TMEFF2: variants seen among roughly 807,000 people sequenced by gnomAD.
TMEFF2 encodes tomoregulin-2.
TMEFF2 carries 28 observed loss-of-function variants against 53.8 expected under a neutral mutation model. The ratio of observed to expected loss-of-function variants is 0.52; its 90% confidence interval spans 0.39 to 0.71. TMEFF2 has a LOEUF of 0.71. TMEFF2 is among the 30% of genes least tolerant of loss of function. The probability of loss-of-function intolerance (pLI) is 0.00; values close to 1 mark genes in which losing one functional copy is unlikely to be tolerated. For synonymous variants in TMEFF2, 162 were observed against 166.3 expected (o/e 0.97, Z 0.20); for missense variants, 353 against 455.2 (o/e 0.78, Z 2.04).
intron 4 of TMEFF2, among the ~76,000 whole-genome samples, chr2:192,123,586 A>C (rs1426282474): frequency 6.6e-6 from 1 of 152,214 alleles, no homozygotes; most frequent in East Asian, 1.9e-4. Flanking sequence ...GCAAAATAAT[A>C]GTTTAAAATT....
chr2:191,949,092 A>G lies in TMEFF2; in HGVS notation c.*1219T>C. On this transcript the variant is annotated 3_prime_UTR_variant, in exon 10 of 10. Transcript: ENST00000272771. ...TTTATTTAAATTTACTGTGTTAGCC[A>G]TGGAAAGCTTTGCAGAGCTAAATGA... 2.0e-6 allele frequency: 2 copies of G among 985,234 alleles called. No individual in the cohort carries two copies. Among genetic ancestry groups the G allele is most frequent in the Non-Finnish European group, 2.4e-6 (2 of 829,810 alleles). The allele number at this position is 985,234 out of a possible 1,614,324, so 61.0% of individuals were successfully genotyped here.
chr2:192,171,384 T>G (rs2106023978), intron 4 of TMEFF2, among the ~76,000 whole-genome samples: 1 of 152,104 alleles, frequency 6.6e-6, no homozygotes, highest in East Asian at 1.9e-4. Flanking sequence ...CCCTGCTTTC[T>G]CCCTTACTCT....
At chr2:192,064,524 A>G (rs1688123395) in intron 4 of TMEFF2, among the ~76,000 whole-genome samples, 3 of 151,866 alleles carry the variant, frequency 2.0e-5, no homozygotes, top group African/African-American at 7.2e-5. Flanking sequence ...ACTTTTCAAG[A>G]CTTATCTATA....
intron 4 of TMEFF2, among the ~76,000 whole-genome samples, chr2:192,173,240 C>A (rs1664914819): frequency 6.6e-6 from 1 of 151,802 alleles, no homozygotes; most frequent in African/African-American, 2.4e-5. Context: ...TATATCTAAA[C>A]ATTATATGTA....
chr2:192,021,561 A>G (rs375917128), intron 5 of TMEFF2, among the ~76,000 whole-genome samples: 20 of 152,168 alleles, frequency 1.3e-4, no homozygotes, highest in African/African-American at 3.9e-4. Context: ...AATTTAAAGA[A>G]TAACGTGGCT....
At chr2:191,958,342 G>C (rs1170617300) in intron 7 of TMEFF2, among the ~76,000 whole-genome samples, 2 of 152,144 alleles carry the variant, frequency 1.3e-5, no homozygotes, top group African/African-American at 2.4e-5. Context: ...TGCATGCAGG[G>C]AAATTTTCTG....
intron 7 of TMEFF2, among the ~76,000 whole-genome samples, chr2:191,957,551 A>C (rs1287072275): frequency 6.6e-6 from 1 of 152,232 alleles, no homozygotes; most frequent in Non-Finnish European, 1.5e-5. Context: ...GGTATTAGCG[A>C]ATCAGACAAA....
chr2:191,951,812 C>T (rs1691892750), intron 9 of TMEFF2, among the ~76,000 whole-genome samples: 1 of 152,202 alleles, frequency 6.6e-6, no homozygotes, highest in East Asian at 1.9e-4. Context: ...TTACAAAATA[C>T]TAATACAGTT....
chr2:192,134,762 A>C (rs1318239678), intron 4 of TMEFF2, among the ~76,000 whole-genome samples: 1 of 152,210 alleles, frequency 6.6e-6, no homozygotes, highest in Non-Finnish European at 1.5e-5. Flanking sequence ...AGGCCACCGC[A>C]GCCATTTCTT....
rs1449194819 is a variant in TMEFF2, at chr2:192,184,448, A to G, written c.318T>C (p.Asn106=). ...NNDYVPVCGS[N]GESYQNECYL... ...AACACTCATTCTGGTAGCTCTCCCC[A>G]TTGGAGCCACACACAGGCACATAGT... is the stretch of plus-strand genomic sequence containing the variant. Residue 106 remains asparagine (N), a synonymous_variant, in exon 3 of 10, where the codon AAT becomes AAC. Transcript: ENST00000272771. The G allele has an allele frequency of 1.2e-6, 2 of 1,613,364 alleles. No individual in the cohort carries two copies. Among genetic ancestry groups the G allele is most frequent in the East Asian group, 4.5e-5 (2 of 44,866 alleles).
At chr2:192,083,950 G>A (rs972972240) in intron 4 of TMEFF2, among the ~76,000 whole-genome samples, 2 of 152,116 alleles carry the variant, frequency 1.3e-5, no homozygotes, top group African/African-American at 4.8e-5. Flanking sequence ...ACTGGTTCCA[G>A]GAGTTTGAAA....
intron 7 of TMEFF2, among the ~76,000 whole-genome samples, chr2:191,993,841 A>G (rs1046045099): frequency 1.1e-4 from 16 of 152,110 alleles, no homozygotes; most frequent in Admixed American, 3.9e-4. Context: ...TGTAAAAATC[A>G]TTGTTGAAGA....
intron 8 of TMEFF2, among the ~76,000 whole-genome samples, 198 bp from the exon 9 acceptor site, chr2:191,954,035 C>T (rs555512771): frequency 1.3e-5 from 2 of 152,012 alleles, no homozygotes; most frequent in East Asian, 1.9e-4. Context: ...CTACAGGCGC[C>T]CGCCACTATG....
At chr2:192,143,599 C>T (rs1376725210) in intron 4 of TMEFF2, among the ~76,000 whole-genome samples, 1 of 152,042 alleles carries the variant, frequency 6.6e-6, no homozygotes, top group African/African-American at 2.4e-5. Flanking sequence ...TTTTTAATAT[C>T]ATGGATGGCT....
In TMEFF2 at chr2:192,106,426, G is replaced by T. The variant is rs1347151116; in HGVS notation, c.440-48651C>A. Among the ~76,000 whole-genome samples, 3 of 151,628 alleles carry T rather than the reference G, an allele frequency of 2.0e-5. No individual in the cohort carries two copies. In the East Asian group the frequency reaches 5.8e-4, roughly 29 times the overall value. ...TTTTGTTTCTTATTATAGAATAAAT[G>T]TATAACTTGATAATAAACCAAAAAG... On this transcript the variant is annotated intron_variant, in intron 4 of 9. Coordinates refer to ENST00000272771, the MANE Select transcript of TMEFF2 (RefSeq NM_016192.4).
chr2:192,130,264 C>T (rs2105976048), intron 4 of TMEFF2, among the ~76,000 whole-genome samples: 1 of 152,122 alleles, frequency 6.6e-6, no homozygotes, highest in South Asian at 2.1e-4. Flanking sequence ...TATGCTGTTC[C>T]TTTTTCCTTC....
At chr2:192,119,867 A>T (rs1237942450) in intron 4 of TMEFF2, among the ~76,000 whole-genome samples, 3 of 152,192 alleles carry the variant, frequency 2.0e-5, no homozygotes, top group Non-Finnish European at 4.4e-5. Flanking sequence ...AACATTATCA[A>T]CTTTGCTGCA....
At chr2:192,151,504 A>T (rs1205116280) in intron 4 of TMEFF2, among the ~76,000 whole-genome samples, 1 of 151,872 alleles carries the variant, frequency 6.6e-6, no homozygotes, top group African/African-American at 2.4e-5. Flanking sequence ...GTTGATTAAG[A>T]AACTCTAAGG....
At chr2:192,027,303 T>A (rs1041808133) in intron 5 of TMEFF2, among the ~76,000 whole-genome samples, 2 of 152,230 alleles carry the variant, frequency 1.3e-5, no homozygotes, top group African/African-American at 4.8e-5. Context: ...TTCCACTGCA[T>A]CATTAATTCA....
Sources: gnomAD v4.1 joint callset for allele counts (sites outside exome capture counted in the v4.1 genomes callset) on GRCh38, gnomAD v4.1.1 for gene constraint, MANE v1.5 for transcripts, NCBI Gene and HGNC (gene_info 2026-07-23, HGNC 2026-07-21) for gene names.